The following MKLN1 variants were observed in gnomAD, a reference collection of about 807,000 sequenced individuals.
The protein encoded by MKLN1 is muskelin.
In MKLN1, 18 loss-of-function variants were observed where a neutral mutation model predicts 99.0. The ratio of observed to expected loss-of-function variants is 0.18; its 90% CI spans 0.13 to 0.27. The LOEUF (loss-of-function observed/expected upper bound fraction) is 0.27. Among genes scored for constraint, MKLN1 ranks in the 10% least tolerant of loss-of-function variants. MKLN1 has a pLI of 1.00. For synonymous variants in MKLN1, 288 were observed against 293.2 expected, an observed-to-expected ratio of 0.98 and a Z score of 0.18; for missense variants, 621 against 875.9, an observed-to-expected ratio of 0.71 and a Z score of 3.67.
chr7:131,396,377 T>G (rs1055961123), intron 4 of MKLN1, among the ~76,000 whole-genome samples: 15 of 152,214 alleles, frequency 9.9e-5, no homozygotes, highest in Admixed American at 8.5e-4. Context: ...CTGGCTCTCT[T>G]GAATTTTTTT....
chr7:131,416,870 C>T (rs919556950), intron 8 of MKLN1, among the ~76,000 whole-genome samples: 1 of 151,012 alleles, frequency 6.6e-6, no homozygotes, highest in Non-Finnish European at 1.5e-5. Flanking sequence ...GTAGTCTCAG[C>T]TACTCGAGAG....
chr7:131,396,467 T>TAA (rs1794363925), intron 4 of MKLN1, among the ~76,000 whole-genome samples: 1 of 152,188 alleles, frequency 6.6e-6, no homozygotes, highest in African/African-American at 2.4e-5. Context: ...GGTTGAGACC[T>TAA]CTAATTAGTG....
At chr7:131,335,584 C>G (rs1247928145) in intron 1 of MKLN1, among the ~76,000 whole-genome samples, 2 of 151,918 alleles carry the variant, frequency 1.3e-5, no homozygotes, top group African/African-American at 4.8e-5. Flanking sequence ...ATAGGGTTTC[C>G]TCTCAACACA....
At chr7:131,225,045 G>C (rs6947005) in intron 3 of MKLN1, among the ~76,000 whole-genome samples, 1,817 of 151,098 alleles carry the variant, frequency 0.012, 25 homozygotes, top group Non-Finnish European at 0.019. Flanking sequence ...TGCAGTCCAG[G>C]CTGGGCAACA....
chr7:131,219,610 A>AT (rs1797032544), intron 3 of MKLN1, among the ~76,000 whole-genome samples: 1 of 151,966 alleles, frequency 6.6e-6, no homozygotes, highest in South Asian at 2.1e-4. Flanking sequence ...AAAAAAAAAA[A>AT]GTGGGAGGAA....
intron 3 of MKLN1, among the ~76,000 whole-genome samples, chr7:131,314,658 G>A (rs992326236): frequency 6.6e-6 from 1 of 152,008 alleles, no homozygotes; most frequent in East Asian, 1.9e-4. Context: ...TCCTGACCTC[G>A]TGATCTGCTT....
chr7:131,388,770 C>A, intron 3 of MKLN1, 114 bp from the exon 4 acceptor site: 1 of 642,030 alleles, frequency 1.6e-6, no homozygotes, highest in Non-Finnish European at 2.7e-6. Context: ...TTGTCTTGGT[C>A]ATAATATTTT....
intron 2 of MKLN1, among the ~76,000 whole-genome samples, chr7:131,165,342 T>C (rs966535604): frequency 5.3e-5 from 8 of 152,136 alleles, no homozygotes; most frequent in South Asian, 2.1e-4. Flanking sequence ...CGCGATACCA[T>C]GCCTGGCTAA....
At chr7:131,120,328 A>G (rs1190633080) in intron 1 of MKLN1, among the ~76,000 whole-genome samples, 4 of 151,614 alleles carry the variant, frequency 2.6e-5, no homozygotes, top group Non-Finnish European at 5.9e-5. Flanking sequence ...GATCGAGACC[A>G]TCCTGGCTAA....
At chr7:131,410,723 A>G (rs1047366979) in intron 6 of MKLN1, among the ~76,000 whole-genome samples, 1 of 152,176 alleles carries the variant, frequency 6.6e-6, no homozygotes, top group African/African-American at 2.4e-5. Context: ...AATAAAGACA[A>G]GTGGTGGGAG....
At chr7:131,344,384 A>G (rs970470488) in intron 1 of MKLN1, among the ~76,000 whole-genome samples, 2 of 152,142 alleles carry the variant, frequency 1.3e-5, no homozygotes, top group African/African-American at 2.4e-5. Flanking sequence ...GTGAGGAGCT[A>G]TCAAAGGATT....
Position 131,387,131 on chromosome 7 carries a change from A to G in MKLN1, c.180A>G (p.Leu60=). The G allele has an allele frequency of 6.3e-7, 1 of 1,594,698 alleles. No individual in the cohort carries two copies. The change falls in exon 3 of 18, where the codon CTA becomes CTG. Residue 60 remains leucine, a synonymous_variant. Coordinates refer to ENST00000352689, the MANE Select transcript of MKLN1 (RefSeq NM_013255.5). The part of the protein sequence containing the change: ...ESNYPPQYLI[L]KLERPAIVQN... ...GTTTCTTTTTTTAGTACTTGATTCTAAAGCTCGAAAGGCCTGCTATAGTTC... is the reference window on the plus strand; with the variant it reads ...GTTTCTTTTTTTAGTACTTGATTCTGAAGCTCGAAAGGCCTGCTATAGTTC...
intron 3 of MKLN1, among the ~76,000 whole-genome samples, chr7:131,212,923 CA>C (rs36105040): frequency 2.2e-4 from 28 of 128,828 alleles, no homozygotes; most frequent in Admixed American, 3.2e-4. Context: ...AACTCCGTCT[CA>C]AAAAAAAAAA....
chr7:131,312,670 G>GA (rs1471565701), intron 3 of MKLN1, among the ~76,000 whole-genome samples: 1 of 151,924 alleles, frequency 6.6e-6, no homozygotes, highest in Non-Finnish European at 1.5e-5. Flanking sequence ...TTACGTAAAG[G>GA]AAAAAAATTA....
chr7:131,455,444 GATT>G (rs1204129133), intron 12 of MKLN1, among the ~76,000 whole-genome samples: 1 of 152,146 alleles, frequency 6.6e-6, no homozygotes, highest in African/African-American at 2.4e-5. Flanking sequence ...AGAGTTGAAG[GATT>G]ATCATTGTAA....
chr7:131,305,711 G>T (rs1319847066), intron 3 of MKLN1, among the ~76,000 whole-genome samples: 1 of 151,992 alleles, frequency 6.6e-6, no homozygotes, highest in East Asian at 1.9e-4. Context: ...ATTTTATTTT[G>T]CCCCACCAGA....
chr7:131,343,485 G>A (rs931813997), intron 1 of MKLN1, among the ~76,000 whole-genome samples: 9 of 152,026 alleles, frequency 5.9e-5, no homozygotes, highest in Non-Finnish European at 1.3e-4. Flanking sequence ...ATTTATTGAA[G>A]GTAGCTTGGC....
At chr7:131,417,874 T>C (rs1008079388) in intron 8 of MKLN1, among the ~76,000 whole-genome samples, 3 of 152,210 alleles carry the variant, frequency 2.0e-5, no homozygotes, top group South Asian at 4.1e-4. Flanking sequence ...AATTTTTTTA[T>C]TTAAAATGTA....
At chr7:131,280,730 C>A (rs935357989) in intron 3 of MKLN1, among the ~76,000 whole-genome samples, 1 of 151,874 alleles carries the variant, frequency 6.6e-6, no homozygotes, top group Non-Finnish European at 1.5e-5. Context: ...CTCACAGCAA[C>A]CTCCACCTTC....
Sources: allele counts gnomAD v4.1 joint callset (sites outside exome capture counted in the v4.1 genomes callset), GRCh38; gene constraint gnomAD v4.1.1; transcripts MANE v1.5; gene names NCBI Gene and HGNC (gene_info 2026-07-23, HGNC 2026-07-21).